The following ATXN10 variants were observed in gnomAD, a reference collection of about 807,000 sequenced individuals.
ATXN10 encodes the protein ataxin-10.
ATXN10 carries 28 observed loss-of-function variants against 52.9 expected under a neutral mutation model. The ratio of observed to expected loss-of-function variants is 0.53; its 90% confidence interval spans 0.39 to 0.73. The LOEUF is 0.73. ATXN10 is among the 30% of genes least tolerant of loss of function. ATXN10 has a pLI of 0.00. For missense variants in ATXN10, 565 were observed against 577.0 expected (o/e 0.98, Z 0.21); for synonymous variants, 226 against 221.5 (o/e 1.02, Z -0.18).
intron 1 of ATXN10, among the ~76,000 whole-genome samples, chr22:45,689,080 C>G (rs1052132891): frequency 6.6e-6 from 1 of 152,082 alleles, no homozygotes; most frequent in Non-Finnish European, 1.5e-5. Flanking sequence ...ACATTCTCCC[C>G]CTCTCCTTTC....
Position 45,842,781 on chromosome 22 carries a change from GC to G in ATXN10, c.1238-209del, listed in dbSNP as rs751654357. ...CCGTGGCTGGACATCACACACACAT[GC>G]TGGATGTACATGTGCATATGCCTGC... On this transcript the variant is annotated intron_variant, in intron 10 of 11. Coordinates refer to ENST00000252934, the MANE Select transcript of ATXN10 (RefSeq NM_013236.4). This position sits in a 1 kb window ranked among gnomAD's most constrained non-coding sequence, Gnocchi z 4.8. Among the ~76,000 whole-genome samples the G allele has an allele frequency of 1.6e-4, 25 of 152,172 alleles. No homozygotes were observed. The highest frequency in any genetic ancestry group is 2.5e-4 in the Non-Finnish European group (17 of 68,030).
Position 45,783,703 on chromosome 22 carries a change from A to G in ATXN10, c.1174-23256A>G, listed in dbSNP as rs1291158921. 6.6e-6 allele frequency among the ~76,000 whole-genome samples: 1 copy of G among 152,208 alleles called. No individual in the cohort carries two copies. The highest frequency in any genetic ancestry group is 1.5e-5 in the Non-Finnish European group (1 of 68,034). On this transcript the variant is annotated intron_variant, in intron 9 of 11. Coordinates refer to ENST00000252934, the MANE Select transcript of ATXN10 (RefSeq NM_013236.4). This position sits in a 1 kb window ranked among gnomAD's most constrained non-coding sequence, Gnocchi z 5.0. ...TTTCTGATTTACCTTTTAGTCCCCA[A>G]TACAAGGTCTATCACAAAGTAGCTT...
rs1927345985 is a variant in ATXN10, at chr22:45,787,086, A to G, written c.1174-19873A>G. On this transcript the variant is annotated intron_variant, in intron 9 of 11. Transcript: ENST00000252934. This position sits in a 1 kb window ranked among gnomAD's most constrained non-coding sequence, Gnocchi z 4.2. ...TATACTATTAGAAAATCACATTTTC[A>G]AATAATTTTTATTGTATGGAAAGAT... 6.6e-6 allele frequency among the ~76,000 whole-genome samples: 1 copy of G among 152,250 alleles called. No individual in the cohort carries two copies. The highest frequency in any genetic ancestry group is 1.5e-5 in the Non-Finnish European group (1 of 68,048).
rs942344513 is a variant in ATXN10, at chr22:45,775,690, G to T, written c.1174-31269G>T. On this transcript the variant is annotated intron_variant, in intron 9 of 11. Transcript: ENST00000252934. This position sits in a 1 kb window ranked among gnomAD's most constrained non-coding sequence, Gnocchi z 4.7. ...ATGTGACTTGCAGTATTGTTATTGA[G>T]AGAGATTTAGTGAAAAACAGCGGTT... Among the ~76,000 whole-genome samples, 21 of 152,160 alleles carry T rather than the reference G, an allele frequency of 1.4e-4. No individual in the cohort carries two copies. Among genetic ancestry groups the T allele is most frequent in the African/African-American group, 4.8e-4 (20 of 41,422 alleles).
rs565849064 is a variant in ATXN10, at chr22:45,822,151, G to T, written c.1237+15129G>T. On this transcript the variant is annotated intron_variant, in intron 10 of 11. Transcript: ENST00000252934. ...CTGAGATTCACCAAAATTGTGTTTG[G>T]TCTATTTTATAGCATTTCATTGCAA... Among the ~76,000 whole-genome samples the T allele has an allele frequency of 2.0e-5, 3 of 152,246 alleles. No individual in the cohort carries two copies. The South Asian group carries it at 6.2e-4, about 32-fold the overall frequency.
At chr22:45,815,000 A>G (rs2146893265) in intron 10 of ATXN10, among the ~76,000 whole-genome samples, 1 of 152,316 alleles carries the variant, frequency 6.6e-6, no homozygotes, top group Non-Finnish European at 1.5e-5. Flanking sequence ...CCCTGGTGCC[A>G]AAAAGGTTGG....
intron 1 of ATXN10, 88 bp downstream of exon 1, chr22:45,672,267 C>T: frequency 8.1e-7 from 1 of 1,234,500 alleles, no homozygotes; most frequent in African/African-American, 1.6e-5. Flanking sequence ...AGGCGCCGCC[C>T]CCGCCTCGCT....
chr22:45,749,349 C>T (rs1925857328), intron 9 of ATXN10, among the ~76,000 whole-genome samples: 1 of 152,062 alleles, frequency 6.6e-6, no homozygotes, highest in African/African-American at 2.4e-5. Context: ...ACTCCAGAGC[C>T]CATACTTTTC....
Position 45,700,489 on chromosome 22 carries a change from AG to A in ATXN10, c.488+113del, listed in dbSNP as rs1386222262. ...AAAGTAACCCACTGTAATAGAGTTC[AG>A]GATAGTAGTTGTTCTTGGTGGGTGG... On this transcript the variant is annotated intron_variant, in intron 4 of 11. Coordinates refer to ENST00000252934, the MANE Select transcript of ATXN10 (RefSeq NM_013236.4). 1.8e-5 allele frequency: 15 copies of A among 847,386 alleles called. No individual in the cohort carries two copies. In the African/African-American group the frequency reaches 2.4e-4, roughly 13 times the overall value. The allele number at this position is 847,386 out of a possible 1,614,324, so 52.5% of individuals were successfully genotyped here.
rs1215522111 is a variant in ATXN10, at chr22:45,738,734, G to A, written c.898G>A (p.Ala300Thr). The A allele has an allele frequency of 1.9e-6, 3 of 1,612,876 alleles. No individual in the cohort carries two copies. Among genetic ancestry groups the A allele is most frequent in the Admixed American group, 1.7e-5 (1 of 59,998 alleles). ...TTATGTTTTCTTTTCTTTCTAGGAG[G>A]CACTGGCTACAATTAGGCTTCTCGA... ...ASEEPPDDEE[A>T]LATIRLLDVL... Residue 300 changes from alanine (A) to threonine (T), a missense_variant, in exon 8 of 12, where the codon GCA (alanine) becomes ACA (threonine). Transcript: ENST00000252934.
In ATXN10 at chr22:45,701,933, A is replaced by T. The variant is rs1258584742; in HGVS notation, c.489-756A>T. Among the ~76,000 whole-genome samples, 1 of 152,112 alleles carries T rather than the reference A, an allele frequency of 6.6e-6. No individual in the cohort carries two copies. The highest frequency in any genetic ancestry group is 2.4e-5 in the African/African-American group (1 of 41,424). ...TGTGAAATAGAGGTTTTGTTATTGTATTTTATTTTTTATACCAGAAAACAT... is the reference window on the plus strand; with the variant it reads ...TGTGAAATAGAGGTTTTGTTATTGTTTTTTATTTTTTATACCAGAAAACAT... On this transcript the variant is annotated intron_variant, in intron 4 of 11. Transcript: ENST00000252934. This position sits in a 1 kb window ranked among gnomAD's most constrained non-coding sequence, Gnocchi z 4.2.
intron 10 of ATXN10, among the ~76,000 whole-genome samples, chr22:45,814,228 C>G (rs1376909625): frequency 6.6e-6 from 1 of 152,114 alleles, no homozygotes; most frequent in African/African-American, 2.4e-5. Flanking sequence ...ACGATGTTTG[C>G]GTTACATATA....
At chr22:45,674,970 C>T (rs78215486) in intron 1 of ATXN10, 12,750 of 152,224 alleles carry the variant, frequency 0.084, 675 homozygotes, top group Middle Eastern at 0.15. Flanking sequence ...GGATGTGAAT[C>T]CTGGTTTAGT....
chr22:45,785,950 A>G (rs2146858623), intron 9 of ATXN10, among the ~76,000 whole-genome samples: 1 of 152,318 alleles, frequency 6.6e-6, no homozygotes, highest in Non-Finnish European at 1.5e-5. Context: ...AAGCAGACAA[A>G]TTTTGTAGCT....
At chr22:45,746,501 C>T (rs768224655) in intron 9 of ATXN10, among the ~76,000 whole-genome samples, 10 of 151,962 alleles carry the variant, frequency 6.6e-5, no homozygotes, top group South Asian at 2.1e-4. Context: ...GATAATTGAT[C>T]GAGTGATTGC....
intron 6 of ATXN10, among the ~76,000 whole-genome samples, chr22:45,724,155 C>T (rs1183404464): frequency 6.6e-6 from 1 of 151,800 alleles, no homozygotes; most frequent in Non-Finnish European, 1.5e-5. Context: ...CATACGCGTG[C>T]AGGTGTCTTT....
At position 45,789,044 on chromosome 22, in the gene ATXN10, A is replaced by G. The variant is rs1351829733; in HGVS notation, c.1174-17915A>G. 1.3e-5 allele frequency among the ~76,000 whole-genome samples: 2 copies of G among 151,944 alleles called. No homozygotes were observed. Among genetic ancestry groups the G allele is most frequent in the Non-Finnish European group, 2.9e-5 (2 of 67,974 alleles). On this transcript the variant is annotated intron_variant, in intron 9 of 11. Transcript: ENST00000252934. The surrounding 1 kb of genome is among the most constrained non-coding windows in gnomAD (Gnocchi z 4.0). ...GGGGCCAAGACATGGGTAGTTTTAAAAGCTCCCCAGGAGATGCAGATTGAC... is the reference window on the plus strand; with the variant it reads ...GGGGCCAAGACATGGGTAGTTTTAAGAGCTCCCCAGGAGATGCAGATTGAC...
At chr22:45,839,042 A>G (rs1929260758) in intron 10 of ATXN10, among the ~76,000 whole-genome samples, 1 of 152,236 alleles carries the variant, frequency 6.6e-6, no homozygotes, top group Admixed American at 6.5e-5. Flanking sequence ...ACCTTCGTGA[A>G]GTCCTCCTTA....
intron 5 of ATXN10, among the ~76,000 whole-genome samples, chr22:45,710,804 C>T (rs1924216600): frequency 6.6e-6 from 1 of 152,144 alleles, no homozygotes; most frequent in Admixed American, 6.5e-5. Flanking sequence ...CCTGTCTGGC[C>T]CTTTATGGAA....
Sources: allele counts gnomAD v4.1 joint callset (sites outside exome capture counted in the v4.1 genomes callset), GRCh38; gene constraint gnomAD v4.1.1; non-coding constraint Gnocchi (gnomAD v3.1); transcripts MANE v1.5; gene names NCBI Gene and HGNC (gene_info 2026-07-23, HGNC 2026-07-21).